The following FSTL5 variants were observed in gnomAD, a reference collection of about 807,000 sequenced individuals.
The protein encoded by FSTL5 is follistatin-related protein 5.
A neutral mutation model predicts 89.1 loss-of-function variants in FSTL5; 62 were observed. The ratio of observed to expected loss-of-function variants is 0.70; its 90% CI spans 0.57 to 0.86. The LOEUF (loss-of-function observed/expected upper bound fraction) is 0.86, where lower values mean the gene tolerates loss of function less well. Ranked by LOEUF, FSTL5 falls within the 40% of genes least tolerant of loss-of-function variation. The probability of loss-of-function intolerance (pLI) is 0.00; values close to 1 mark genes in which losing one functional copy is unlikely to be tolerated. For missense variants in FSTL5, 1,057 were observed against 1,001.6 expected (o/e 1.06, Z -0.75); for synonymous variants, 383 against 346.2 (o/e 1.11, Z -1.18).
intron 3 of FSTL5, among the ~76,000 whole-genome samples, chr4:161,994,063 G>C (rs549574696): frequency 6.6e-6 from 1 of 151,924 alleles, no homozygotes; most frequent in African/African-American, 2.4e-5. Context: ...TCAACCTCAT[G>C]AGGCCAGAGT....
At chr4:161,531,113 C>T (rs1426576997) in intron 10 of FSTL5, among the ~76,000 whole-genome samples, 2 of 152,074 alleles carry the variant, frequency 1.3e-5, no homozygotes, top group African/African-American at 4.8e-5. Context: ...TCTAATGTAA[C>T]TGTAGAGTAT....
intron 6 of FSTL5, among the ~76,000 whole-genome samples, chr4:161,713,731 ATAAT>A (rs1738879273): frequency 6.6e-6 from 1 of 152,038 alleles, no homozygotes; most frequent in African/African-American, 2.4e-5. Context: ...ATGGTGTTTT[ATAAT>A]TAATTTTTTT....
intron 3 of FSTL5, among the ~76,000 whole-genome samples, chr4:162,003,216 C>A (rs1197292533): frequency 6.6e-6 from 1 of 151,986 alleles, no homozygotes; most frequent in African/African-American, 2.4e-5. Context: ...ATCATAGTTT[C>A]TGACTAGAAT....
intron 12 of FSTL5, among the ~76,000 whole-genome samples, chr4:161,483,835 AT>A (rs1475229560): frequency 3.9e-5 from 6 of 152,156 alleles, no homozygotes; most frequent in African/African-American, 1.4e-4. Context: ...ATCAAAGAGT[AT>A]TATTAAATCG....
chr4:162,055,030 T>C (rs1738492962), intron 2 of FSTL5, among the ~76,000 whole-genome samples: 1 of 151,922 alleles, frequency 6.6e-6, no homozygotes, highest in Admixed American at 6.6e-5. Context: ...ACTTGATAAC[T>C]AGTTATTGTT....
chr4:161,488,739 C>T (rs1354711945), intron 12 of FSTL5, among the ~76,000 whole-genome samples: 2 of 151,996 alleles, frequency 1.3e-5, no homozygotes, highest in African/African-American at 2.4e-5. Flanking sequence ...AGGAAATTAT[C>T]GATGTACTAC....
At chr4:161,914,981 A>T (rs1409343341) in intron 4 of FSTL5, among the ~76,000 whole-genome samples, 1 of 152,194 alleles carries the variant, frequency 6.6e-6, no homozygotes, top group Non-Finnish European at 1.5e-5. Context: ...AGTAAAATGT[A>T]TTAAGAAACA....
At chr4:161,732,877 CTG>C (rs1230782884) in intron 6 of FSTL5, among the ~76,000 whole-genome samples, 6 of 150,540 alleles carry the variant, frequency 4.0e-5, no homozygotes, top group African/African-American at 1.5e-4. Flanking sequence ...ACATACCACT[CTG>C]TTTTTATTAC....
intron 10 of FSTL5, among the ~76,000 whole-genome samples, chr4:161,536,925 A>G (rs1448716648): frequency 6.6e-6 from 1 of 152,226 alleles, no homozygotes; most frequent in Non-Finnish European, 1.5e-5. Flanking sequence ...AGTGAATTAC[A>G]AGTTAGTATT....
At chr4:161,517,104 G>T (rs1730869652) in intron 10 of FSTL5, among the ~76,000 whole-genome samples, 1 of 152,006 alleles carries the variant, frequency 6.6e-6, no homozygotes, top group Non-Finnish European at 1.5e-5. Flanking sequence ...GGCCAGACTG[G>T]TCTCGAACTC....
At chr4:161,424,003 C>G (rs974588110) in intron 15 of FSTL5, among the ~76,000 whole-genome samples, 15 of 147,652 alleles carry the variant, frequency 1.0e-4, no homozygotes, top group Admixed American at 9.4e-4. Context: ...ACTACAGGTG[C>G]CTGCCAGCAC....
At chr4:161,588,810 C>A (rs1022390052) in intron 7 of FSTL5, among the ~76,000 whole-genome samples, 5 of 152,090 alleles carry the variant, frequency 3.3e-5, no homozygotes, top group African/African-American at 1.2e-4. Flanking sequence ...CTATGAAAAT[C>A]ATCATTCTAG....
intron 5 of FSTL5, among the ~76,000 whole-genome samples, chr4:161,764,910 TAACTG>T (rs1740940639): frequency 6.6e-6 from 1 of 152,190 alleles, no homozygotes; most frequent in African/African-American, 2.4e-5. Context: ...GCTTAAAAAA[TAACTG>T]AAACTAGTTA....
chr4:162,042,182 CA>C (rs1300703646), intron 2 of FSTL5: 1 of 151,660 alleles, frequency 6.6e-6, no homozygotes, highest in African/African-American at 2.4e-5. Context: ...TTATATGAAG[CA>C]AATTCATGTG....
At chr4:161,978,983 G>A (rs456536) in intron 3 of FSTL5, among the ~76,000 whole-genome samples, 36,449 of 151,826 alleles carry the variant, frequency 0.24, 5,014 homozygotes, top group African/African-American at 0.39. Flanking sequence ...CTTTGAACCA[G>A]ATACCTCATC....
At chr4:161,806,299 TC>T (rs1729963752) in intron 4 of FSTL5, among the ~76,000 whole-genome samples, 1 of 152,136 alleles carries the variant, frequency 6.6e-6, no homozygotes, top group Non-Finnish European at 1.5e-5. Flanking sequence ...TAAACACCCT[TC>T]CCATTAAGTT....
chr4:161,941,672 C>A (rs1260830244), intron 3 of FSTL5, among the ~76,000 whole-genome samples: 1 of 151,852 alleles, frequency 6.6e-6, no homozygotes. Flanking sequence ...GCATTGAAGA[C>A]AGAAATTTGC....
chr4:161,516,149 C>T (rs552872247), intron 10 of FSTL5, among the ~76,000 whole-genome samples: 90 of 148,210 alleles, frequency 6.1e-4, no homozygotes, highest in African/African-American at 1.7e-3. Context: ...AGTTTGGTTA[C>T]CTGTGATATT....
At chr4:161,481,324 G>T (rs1375243101) in intron 12 of FSTL5, among the ~76,000 whole-genome samples, 155 bp from the exon 13 acceptor site, 1 of 152,000 alleles carries the variant, frequency 6.6e-6, no homozygotes, top group African/African-American at 2.4e-5. Flanking sequence ...ACATATTTCA[G>T]TTCATTAAAT....
Sources: gnomAD v4.1 joint callset for allele counts (sites outside exome capture counted in the v4.1 genomes callset) on GRCh38, gnomAD v4.1.1 for gene constraint, MANE v1.5 for transcripts, NCBI Gene and HGNC (gene_info 2026-07-23, HGNC 2026-07-21) for gene names.